TRMT11: variants seen among roughly 807,000 people sequenced by gnomAD.
The protein encoded by TRMT11 is tRNA methyltransferase 11.
In TRMT11, 53 loss-of-function variants were observed where a neutral mutation model predicts 62.8. The observed-to-expected ratio is 0.84, with a 90% confidence interval of 0.68 to 1.06. TRMT11 has a LOEUF of 1.06. TRMT11 is among the 50% of genes least tolerant of loss of function. The pLI is 0.00. For synonymous variants in TRMT11, 188 were observed against 190.3 expected, an observed-to-expected ratio of 0.99 and a Z score of 0.10; for missense variants, 556 against 553.4, an observed-to-expected ratio of 1.00 and a Z score of -0.05.
intron 21 of TRMT11, among the ~76,000 whole-genome samples, chr6:126,149,377 G>A (rs899414427): frequency 6.6e-6 from 1 of 152,056 alleles, no homozygotes; most frequent in Non-Finnish European, 1.5e-5. Flanking sequence ...TCTTTATTTT[G>A]TATCTCTATT....
At position 126,038,760 on chromosome 6, in the gene TRMT11, A is replaced by C; in HGVS notation, c.1316A>C (p.His439Pro). ...LSDHFLPYQG[H>P]NSFREKYFSG... ...GATCATTTTCTGCCATACCAAGGTC[A>C]TAATTCCTTCCGTGAGAAATATTTT... Residue 439 changes from histidine (H) to proline (P), a missense_variant, in exon 13 of 13, where the codon CAT (histidine) becomes CCT (proline). Coordinates refer to ENST00000334379, the MANE Select transcript of TRMT11 (RefSeq NM_001031712.3). The C allele has an allele frequency of 6.2e-7, 1 of 1,605,948 alleles. No individual in the cohort carries two copies. The highest frequency in any genetic ancestry group is 8.5e-7 in the Non-Finnish European group (1 of 1,176,464).
chr6:126,196,052 C>T (rs768002177), intron 1 of TRMT11, among the ~76,000 whole-genome samples: 4 of 152,102 alleles, frequency 2.6e-5, no homozygotes, highest in Admixed American at 6.5e-5. Context: ...AATTAACCAA[C>T]CTTAGAACTG....
intron 17 of TRMT11, among the ~76,000 whole-genome samples, chr6:126,077,444 G>A (rs1271360280): frequency 2.0e-5 from 3 of 152,168 alleles, no homozygotes; most frequent in Admixed American, 6.6e-5. Context: ...AACAAGGCAC[G>A]TGGACACACA....
At position 126,065,257 on chromosome 6, in the gene TRMT11, G is replaced by T. The variant is rs2326201; in HGVS notation, c.*1437+12067G>T. 1.9e-4 allele frequency among the ~76,000 whole-genome samples: 29 copies of T among 152,002 alleles called. No individual in the cohort carries two copies. In the South Asian group the frequency reaches 5.2e-3, roughly 27 times the overall value. The stretch of plus-strand genomic sequence containing the variant: ...GTAGTGTAAAGGAGAGAAGATAATT[G>T]GTCAAATAATCTTGTTCTTCTATCA... On this transcript the variant is annotated intron_variant and NMD_transcript_variant, in intron 17 of 22. Transcript: ENST00000648977.
the TRMT11 span, among the ~76,000 whole-genome samples, chr6:126,252,239 C>A: frequency 2.6e-5 from 4 of 152,184 alleles, no homozygotes; most frequent in African/African-American, 7.2e-5. Context: ...CTTGGCGGTG[C>A]CCCCTGAAGA....
the TRMT11 span, among the ~76,000 whole-genome samples, chr6:126,218,333 C>T: frequency 6.6e-6 from 1 of 152,202 alleles, no homozygotes; most frequent in Non-Finnish European, 1.5e-5. Context: ...CTGGGGCACA[C>T]CTGAAGCCAG....
At chr6:126,031,853 GAGCTGTGGAAAGTT>G (rs1370050250) in intron 12 of TRMT11, among the ~76,000 whole-genome samples, 5 of 152,112 alleles carry the variant, frequency 3.3e-5, no homozygotes, top group African/African-American at 1.2e-4. Context: ...TAGTGAATTT[GAGCTGTGGAAAGTT>G]AGCTGTGATA....
chr6:126,224,662 C>T, the TRMT11 span, among the ~76,000 whole-genome samples: 6 of 152,228 alleles, frequency 3.9e-5, no homozygotes, highest in Non-Finnish European at 8.8e-5. Flanking sequence ...GGTCCACACA[C>T]ATGTGCGTGC....
At chr6:126,000,778 C>A (rs1301592018) in intron 7 of TRMT11, among the ~76,000 whole-genome samples, 1 of 152,068 alleles carries the variant, frequency 6.6e-6, no homozygotes, top group Non-Finnish European at 1.5e-5. Context: ...ACTGGTGAGT[C>A]TTTCTTCTCT....
intron 17 of TRMT11, among the ~76,000 whole-genome samples, chr6:126,087,334 A>G (rs1777226846): frequency 6.6e-6 from 1 of 152,192 alleles, no homozygotes; most frequent in East Asian, 1.9e-4. Flanking sequence ...ATTAAAGAAA[A>G]AAAATTCTAA....
the TRMT11 span, among the ~76,000 whole-genome samples, chr6:126,241,767 A>G: frequency 6.6e-6 from 1 of 152,364 alleles, no homozygotes; most frequent in African/African-American, 2.4e-5. Context: ...AAAACTCTCA[A>G]TAAATTAGGT....
rs183366001 is a variant in TRMT11, at chr6:126,064,336, C to G, written c.*1437+11146C>G. Among the ~76,000 whole-genome samples the G allele has an allele frequency of 1.2e-4, 18 of 152,196 alleles. No individual in the cohort carries two copies. In the East Asian group the frequency reaches 3.5e-3, roughly 29 times the overall value. ...GGATTAAACCACAGCTCTGTGGACC[C>G]CTTTAAGCACTTGTAAACAGCTCCA... On this transcript the variant is annotated intron_variant and NMD_transcript_variant, in intron 17 of 22. Coordinates refer to the TRMT11 transcript ENST00000648977.
upstream of TRMT11, among the ~76,000 whole-genome samples, chr6:126,174,374 G>T (rs1228376329): frequency 6.6e-6 from 1 of 152,224 alleles, no homozygotes; most frequent in Middle Eastern, 3.2e-3. Flanking sequence ...TTCAGGGTAT[G>T]AATTTCGTAT....
At chr6:126,175,437 A>G (rs563053779), upstream of TRMT11, among the ~76,000 whole-genome samples, 1 of 152,170 alleles carries the variant, frequency 6.6e-6, no homozygotes, top group Non-Finnish European at 1.5e-5. Flanking sequence ...CTGTTTTTGT[A>G]GCAAGAGTTA....
At chr6:126,245,043 A>G in the TRMT11 span, among the ~76,000 whole-genome samples, 2 of 152,254 alleles carry the variant, frequency 1.3e-5, no homozygotes, top group Non-Finnish European at 2.9e-5. Flanking sequence ...AAATATTTAG[A>G]TAAAGGTTGA....
At chr6:126,022,537 C>T (rs73594006) in intron 12 of TRMT11, among the ~76,000 whole-genome samples, 101 of 152,244 alleles carry the variant, frequency 6.6e-4, no homozygotes, top group African/African-American at 2.3e-3. Flanking sequence ...TTACCATACA[C>T]CTGGTTTATG....
intron 21 of TRMT11, among the ~76,000 whole-genome samples, chr6:126,135,015 C>T (rs1037997303): frequency 4.0e-5 from 6 of 151,592 alleles, no homozygotes; most frequent in African/African-American, 9.6e-5. Context: ...AATTTTATAC[C>T]AGTAAATGCC....
chr6:126,228,504 T>A, the TRMT11 span, among the ~76,000 whole-genome samples: 1 of 152,198 alleles, frequency 6.6e-6, no homozygotes, highest in Non-Finnish European at 1.5e-5. Flanking sequence ...GGGTCATTAA[T>A]TTCCCTGAAA....
intron 21 of TRMT11, among the ~76,000 whole-genome samples, chr6:126,166,995 A>C (rs963130076): frequency 1.3e-5 from 2 of 152,174 alleles, no homozygotes; most frequent in African/African-American, 4.8e-5. Flanking sequence ...GGTTGACTTC[A>C]GAGTGCTGTG....
Sources: gnomAD v4.1 joint callset for allele counts (sites outside exome capture counted in the v4.1 genomes callset) on GRCh38, gnomAD v4.1.1 for gene constraint, MANE v1.5 for transcripts, NCBI Gene and HGNC (gene_info 2026-07-23, HGNC 2026-07-21) for gene names.